The following BANK1 variants were observed in gnomAD, a reference collection of about 807,000 sequenced individuals.
BANK1 encodes B-cell scaffold protein with ankyrin repeats.
A neutral mutation model predicts 94.5 loss-of-function variants in BANK1; 95 were observed. That is an observed-to-expected ratio of 1.00 (90% CI 0.85 to 1.19). The LOEUF (loss-of-function observed/expected upper bound fraction) is 1.19. Among genes scored for constraint, BANK1 ranks in the 50% most tolerant of loss-of-function variants. The pLI, the probability that BANK1 is intolerant of heterozygous loss-of-function variation, is 0.00. For missense variants in BANK1, 987 were observed against 932.2 expected (o/e 1.06, Z -0.77); for synonymous variants, 334 against 308.4 (o/e 1.08, Z -0.87).
At position 101,990,308 on chromosome 4, in the gene BANK1, A is replaced by G. The variant is rs188702697; in HGVS notation, c.1207-31206A>G. Among the ~76,000 whole-genome samples, 639 of 152,336 alleles carry G rather than the reference A, an allele frequency of 4.2e-3. 3 individuals carry two copies. The highest frequency in any genetic ancestry group is 0.01 in the Middle Eastern group (3 of 294). ...AATTAGCATGAATGACTTTATGATT[A>G]TACATTTTTCTCATGTAAAGAATTT... On this transcript the variant is annotated intron_variant, in intron 7 of 16. Transcript: ENST00000322953.
chr4:101,930,442 G>A (rs1181228923), intron 7 of BANK1, among the ~76,000 whole-genome samples: 1 of 151,406 alleles, frequency 6.6e-6, no homozygotes, highest in East Asian at 2.0e-4. Context: ...GCTCACATTT[G>A]AAAGTGATAA....
At chr4:101,803,997 C>CAAA (rs55704915) in intron 1 of BANK1, among the ~76,000 whole-genome samples, 5 of 68,384 alleles carry the variant, frequency 7.3e-5, no homozygotes, top group African/African-American at 2.7e-4. Flanking sequence ...GACTCCGTCT[C>CAAA]AAAAAAAAAA....
At chr4:101,992,518 G>A (rs779348117) in intron 7 of BANK1, among the ~76,000 whole-genome samples, 18 of 152,164 alleles carry the variant, frequency 1.2e-4, no homozygotes, top group East Asian at 5.8e-4. Flanking sequence ...AGACATAAGC[G>A]TGATGTGTGC....
chr4:101,812,074 G>A (rs966711066), intron 1 of BANK1, among the ~76,000 whole-genome samples: 1 of 151,880 alleles, frequency 6.6e-6, no homozygotes, highest in African/African-American at 2.4e-5. Flanking sequence ...TAATACTTAT[G>A]AATGATTATG....
At chr4:102,035,595 C>A (rs1727476595) in intron 10 of BANK1, among the ~76,000 whole-genome samples, 1 of 150,010 alleles carries the variant, frequency 6.7e-6, no homozygotes, top group African/African-American at 2.5e-5. Context: ...TTGCAGTGAT[C>A]CGAGATCGCG....
chr4:101,962,076 G>C (rs1427256269), intron 7 of BANK1, among the ~76,000 whole-genome samples: 1 of 152,118 alleles, frequency 6.6e-6, no homozygotes, highest in Non-Finnish European at 1.5e-5. Flanking sequence ...CAAATGTATA[G>C]TGGGGTGCTA....
intron 6 of BANK1, among the ~76,000 whole-genome samples, chr4:101,902,628 A>G (rs1212396579): frequency 6.6e-6 from 1 of 152,130 alleles, no homozygotes; most frequent in Non-Finnish European, 1.5e-5. Context: ...ATCTTTTATA[A>G]TTGTCCATTT....
At chr4:101,999,110 T>C (rs1283932694) in intron 7 of BANK1, among the ~76,000 whole-genome samples, 3 of 152,216 alleles carry the variant, frequency 2.0e-5, no homozygotes, top group Non-Finnish European at 4.4e-5. Flanking sequence ...CCCCATTGTC[T>C]TCTACCTTCT....
intron 6 of BANK1, among the ~76,000 whole-genome samples, chr4:101,917,049 CAT>C (rs981286550): frequency 1.3e-5 from 2 of 151,920 alleles, no homozygotes; most frequent in Admixed American, 6.6e-5. Flanking sequence ...AAAATAACTA[CAT>C]AGTGTATGAA....
intron 4 of BANK1, among the ~76,000 whole-genome samples, chr4:101,870,269 A>G (rs1428655036): frequency 1.3e-5 from 2 of 152,004 alleles, no homozygotes; most frequent in Non-Finnish European, 2.9e-5. Flanking sequence ...CTTTACTTTT[A>G]TTGTTATTTT....
chr4:102,023,130 G>A (rs949164409), intron 8 of BANK1, among the ~76,000 whole-genome samples: 1 of 152,086 alleles, frequency 6.6e-6, no homozygotes, highest in Admixed American at 6.6e-5. Flanking sequence ...TGTATCCCCA[G>A]TACCTGTAAC....
At chr4:101,809,488 A>AAT (rs1725669996) in intron 1 of BANK1, among the ~76,000 whole-genome samples, 3 of 152,092 alleles carry the variant, frequency 2.0e-5, no homozygotes, top group Admixed American at 6.6e-5. Context: ...TACTGAAATA[A>AAT]ATATATATAA....
In BANK1 at chr4:101,790,854, G is replaced by A. The variant is rs1468549797; in HGVS notation, c.-27G>A. 6.5e-7 allele frequency: 1 copy of A among 1,534,886 alleles called. No individual in the cohort carries two copies. On this transcript the variant is annotated 5_prime_UTR_variant, in exon 1 of 17. Transcript: ENST00000322953. ...GGTAGCGCTCGGCGGGCAGCAGTGCGCAGGCCCCTCGGCTTCAACCGCCAC... is the reference window on the plus strand; with the variant it reads ...GGTAGCGCTCGGCGGGCAGCAGTGCACAGGCCCCTCGGCTTCAACCGCCAC...
intron 1 of BANK1, among the ~76,000 whole-genome samples, chr4:101,829,033 T>C (rs905014187): frequency 2.6e-5 from 4 of 151,988 alleles, no homozygotes; most frequent in African/African-American, 9.7e-5. Flanking sequence ...CAGCTAATTT[T>C]TTGTATTTTT....
chr4:101,820,901 C>A (rs897065992), intron 1 of BANK1, among the ~76,000 whole-genome samples: 1 of 152,020 alleles, frequency 6.6e-6, no homozygotes, highest in Non-Finnish European at 1.5e-5. Flanking sequence ...GATACCATGT[C>A]TTTGCTATTG....
chr4:102,021,572 C>G lies in BANK1; in HGVS notation c.1265C>G (p.Ser422Ter). The change falls in exon 8 of 17, where the codon TCA becomes TGA. Residue 422 changes from serine (S) to a stop codon, truncating the protein, a stop_gained. Coordinates refer to ENST00000322953, the MANE Select transcript of BANK1 (RefSeq NM_017935.5). LOFTEE classifies it high-confidence loss of function. ...AATGATTATGAAGAGGATATTGCCTCATTTTCCACATATATTCCTTGTAAG... is the reference window on the plus strand; with the variant it reads ...AATGATTATGAAGAGGATATTGCCTGATTTTCCACATATATTCCTTGTAAG... The part of the protein sequence containing the change: ...QENDYEEDIA[S>*]FSTYIPSTQN... 7.0e-7 allele frequency: 1 copy of G among 1,429,748 alleles called. No individual in the cohort carries two copies. Among genetic ancestry groups the G allele is most frequent in the Non-Finnish European group, 9.4e-7 (1 of 1,058,584 alleles). The allele number at this position is 1,429,748 out of a possible 1,614,324, so 88.6% of individuals were successfully genotyped here. A position where few individuals can be genotyped will look rare whatever the true frequency, so the allele number is the denominator to read the frequency against.
chr4:101,842,770 T>C (rs1325898849), intron 2 of BANK1, among the ~76,000 whole-genome samples: 1 of 152,224 alleles, frequency 6.6e-6, no homozygotes, highest in Non-Finnish European at 1.5e-5. Flanking sequence ...ACAGCTGAGC[T>C]AATGCTGTCA....
At chr4:101,980,239 G>T (rs1395811100) in intron 7 of BANK1, among the ~76,000 whole-genome samples, 1 of 151,620 alleles carries the variant, frequency 6.6e-6, no homozygotes. Flanking sequence ...ATTCTGCTAG[G>T]TTTTTCATAA....
intron 7 of BANK1, among the ~76,000 whole-genome samples, chr4:101,990,701 CT>C (rs1226638676): frequency 6.6e-6 from 1 of 152,162 alleles, no homozygotes; most frequent in African/African-American, 2.4e-5. Context: ...CTACAAACTG[CT>C]GTTATACCTC....
Sources: allele counts gnomAD v4.1 joint callset (sites outside exome capture counted in the v4.1 genomes callset), GRCh38; gene constraint gnomAD v4.1.1; transcripts MANE v1.5; gene names NCBI Gene and HGNC (gene_info 2026-07-23, HGNC 2026-07-21).